Variants in KLK6 observed in about 807,000 individuals in gnomAD.
KLK6 encodes the protein kallikrein-6.
Under a neutral mutation model 21.7 loss-of-function variants are expected in KLK6, and 16 were observed. The observed-to-expected ratio is 0.74, with a 90% confidence interval of 0.50 to 1.12. The LOEUF (loss-of-function observed/expected upper bound fraction) is 1.12. Among genes scored for constraint, KLK6 ranks in the 50% most tolerant of loss-of-function variants. The probability of loss-of-function intolerance (pLI) is 0.00; values close to 1 mark genes in which losing one functional copy is unlikely to be tolerated. For missense variants in KLK6, 276 were observed against 304.6 expected (o/e 0.91, Z 0.70); for synonymous variants, 116 against 120.1 (o/e 0.97, Z 0.22).
intron 6 of KLK6, among the ~76,000 whole-genome samples, chr19:50,960,010 A>C (rs1165816565): frequency 2.5e-5 from 2 of 80,594 alleles, no homozygotes; most frequent in Non-Finnish European, 4.5e-5. Flanking sequence ...GAGAAGGAAG[A>C]GGAGAAGGAG....
At chr19:50,959,364 T>G (rs1489337193) in intron 6 of KLK6, 48 bp from the exon 7 acceptor site, 1 of 88,738 alleles carries the variant, frequency 1.1e-5, no homozygotes, top group Non-Finnish European at 1.5e-5. Flanking sequence ...ACCCAGAGAC[T>G]GTGTGTGTGT....
At chr19:50,963,605 T>G in intron 4 of KLK6, 56 bp from the exon 5 acceptor site, 2 of 1,597,130 alleles carry the variant, frequency 1.3e-6, no homozygotes, top group Non-Finnish European at 1.7e-6. Context: ...AGTTGAGGCT[T>G]CAGAGAGGGC....
At chr19:50,959,877 A>G (rs965076237) in intron 6 of KLK6, among the ~76,000 whole-genome samples, 9 of 23,480 alleles carry the variant, frequency 3.8e-4, no homozygotes, top group Non-Finnish European at 4.5e-4. Context: ...AGGAGGAGGA[A>G]GAGGAGGAGG....
rs1003373947 is a variant in KLK6 at position 50,969,563 on chromosome 19, G to A, written c.-133C>T. On this transcript the variant is annotated 5_prime_UTR_variant, in exon 1 of 7. Transcript: ENST00000310157. ...GGAGAGAGCGAGCCAGCCAGCCGGG[G>A]AGACAGCTACAGCGTGTGTCACCAC... 1.3e-5 allele frequency: 2 copies of A among 152,430 alleles called. No homozygotes were observed. Among genetic ancestry groups the A allele is most frequent in the Non-Finnish European group, 2.9e-5 (2 of 68,296 alleles). The allele number at this position is 152,430 out of a possible 1,614,324, so 9.4% of individuals were successfully genotyped here. A position where few individuals can be genotyped will look rare whatever the true frequency, so the allele number is the denominator to read the frequency against.
intron 6 of KLK6, among the ~76,000 whole-genome samples, chr19:50,961,045 T>C (rs1019160026): frequency 2.0e-5 from 3 of 151,914 alleles, no homozygotes; most frequent in African/African-American, 4.8e-5. Flanking sequence ...ATTACAGGCA[T>C]GAGCCACTGT....
rs1425639633 is a variant in KLK6 at position 50,959,019 on chromosome 19, G to T, written c.*145C>A. ...GATGGAGCTGGGGTAAAACCAGGGAGAATCAGGACCCTCACGTCGCTGCGT... is the reference window on the plus strand; with the variant it reads ...GATGGAGCTGGGGTAAAACCAGGGATAATCAGGACCCTCACGTCGCTGCGT... On this transcript the variant is annotated 3_prime_UTR_variant, in exon 7 of 7. Coordinates refer to ENST00000310157, the MANE Select transcript of KLK6 (RefSeq NM_002774.4). 3.5e-6 allele frequency: 3 copies of T among 848,132 alleles called. No individual in the cohort carries two copies. The highest frequency in any genetic ancestry group is 1.6e-5 in the South Asian group (1 of 61,790). 52.5% of individuals were successfully genotyped at this position (848,132 alleles called of 1,614,324 possible). A position where few individuals can be genotyped will look rare whatever the true frequency, so the allele number is the denominator to read the frequency against.
chr19:50,968,177 C>T (rs767538919), intron 2 of KLK6, 65 bp from the exon 3 acceptor site: 2 of 1,426,004 alleles, frequency 1.4e-6, no homozygotes, highest in African/African-American at 2.8e-5. Flanking sequence ...CCTCTGTCTG[C>T]TCCCTCTGCA....
At chr19:50,962,068 C>T (rs2090851269) in intron 5 of KLK6, 188 bp from the exon 6 acceptor site, 3 of 558,694 alleles carry the variant, frequency 5.4e-6, no homozygotes, top group Non-Finnish European at 9.0e-6. Flanking sequence ...ATTGGTCCCT[C>T]TTTCTATCAT....
At chr19:50,967,405 A>G in intron 3 of KLK6, 80 bp from the exon 4 acceptor site, 2 of 1,414,994 alleles carry the variant, frequency 1.4e-6, no homozygotes, top group South Asian at 2.7e-5. Context: ...TCCAGTCAAG[A>G]TTGGTCAGGT....
intron 2 of KLK6, 97 bp downstream of exon 2, chr19:50,968,444 C>A (rs1220979255): frequency 1.8e-5 from 7 of 395,368 alleles, no homozygotes; most frequent in Middle Eastern, 7.4e-4. Context: ...CCCTAGCGTT[C>A]TTCCTCTGTA....
chr19:50,959,042 C>T lies in KLK6; in HGVS notation c.*122G>A, dbSNP rs564465626. The T allele has an allele frequency of 2.0e-5, 21 of 1,044,530 alleles. No individual in the cohort carries two copies. The highest frequency in any genetic ancestry group is 6.0e-5 in the Admixed American group (3 of 50,246). 64.7% of individuals were successfully genotyped at this position (1,044,530 alleles called of 1,614,324 possible). On this transcript the variant is annotated 3_prime_UTR_variant, in exon 7 of 7. Coordinates refer to ENST00000310157, the MANE Select transcript of KLK6 (RefSeq NM_002774.4). The stretch of plus-strand genomic sequence containing the variant: ...GAGAATCAGGACCCTCACGTCGCTG[C>T]GTTTATTAAGCATCAGGGTCAGAGC...
chr19:50,966,297 C>T (rs753473217), intron 4 of KLK6, among the ~76,000 whole-genome samples: 17 of 152,204 alleles, frequency 1.1e-4, no homozygotes, highest in Non-Finnish European at 2.1e-4. Context: ...TTCTTCCTCT[C>T]CCTCCTGTTC....
chr19:50,964,764 G>A (rs536396975), intron 4 of KLK6, among the ~76,000 whole-genome samples: 1 of 152,330 alleles, frequency 6.6e-6, no homozygotes, highest in Admixed American at 6.5e-5. Context: ...GCTCCCCATT[G>A]TCCTAAGAAT....
At chr19:50,963,701 G>T in intron 4 of KLK6, 152 bp from the exon 5 acceptor site, 3 of 820,628 alleles carry the variant, frequency 3.7e-6, no homozygotes, top group Non-Finnish European at 3.8e-6. Flanking sequence ...GAATAATCTT[G>T]GGGGCTATTC....
At chr19:50,969,430 GC>G (rs1434764370) in intron 1 of KLK6, 59 bp downstream of exon 1, 3 of 152,436 alleles carry the variant, frequency 2.0e-5, no homozygotes, top group African/African-American at 7.2e-5. Flanking sequence ...GGGCTCTAGA[GC>G]CCTCCGGCAC....
intron 5 of KLK6, chr19:50,962,276 T>G: frequency 1.8e-5 from 3 of 168,962 alleles, no homozygotes; most frequent in Non-Finnish European, 3.8e-5. Flanking sequence ...TCCTGATCAG[T>G]AGTCCATTCT....
chr19:50,964,838 A>C (rs1423542217), intron 4 of KLK6, among the ~76,000 whole-genome samples: 1 of 152,058 alleles, frequency 6.6e-6, no homozygotes, highest in Non-Finnish European at 1.5e-5. Context: ...TCACTTTCCA[A>C]CCTTATCTCC....
At chr19:50,961,624 C>T in intron 6 of KLK6, 120 bp downstream of exon 6, 3 of 1,224,944 alleles carry the variant, frequency 2.4e-6, no homozygotes, top group Non-Finnish European at 3.4e-6. Context: ...CTCAGCCTGT[C>T]TCTATCTGTC....
In KLK6 at chr19:50,958,845, G is replaced by A. The variant is rs894689031; in HGVS notation, c.*319C>T. 4 of 330,530 alleles carry A rather than the reference G, an allele frequency of 1.2e-5. No individual in the cohort carries two copies. The Admixed American group carries it at 1.3e-4, about 11-fold the overall frequency. 20.5% of individuals were successfully genotyped at this position (330,530 alleles called of 1,614,324 possible). ...GCAGCGGAGCTGGGATTCCAGACACGTGGCTGGGCCTCTGCAGGAAGAAAT... is the reference window on the plus strand; with the variant it reads ...GCAGCGGAGCTGGGATTCCAGACACATGGCTGGGCCTCTGCAGGAAGAAAT... On this transcript the variant is annotated 3_prime_UTR_variant, in exon 7 of 7. Coordinates refer to ENST00000310157, the MANE Select transcript of KLK6 (RefSeq NM_002774.4).
Sources: allele counts gnomAD v4.1 joint callset (sites outside exome capture counted in the v4.1 genomes callset), GRCh38; gene constraint gnomAD v4.1.1; transcripts MANE v1.5; gene names NCBI Gene and HGNC (gene_info 2026-07-23, HGNC 2026-07-21).